ACOX3: variants seen among roughly 807,000 people sequenced by gnomAD.
ACOX3 encodes acyl-CoA oxidase 3, pristanoyl, also known as peroxisomal acyl-coenzyme A oxidase 3.
A neutral mutation model predicts 81.5 loss-of-function variants in ACOX3; 73 were observed. The ratio of observed to expected loss-of-function variants is 0.90; its 90% confidence interval spans 0.74 to 1.09. The LOEUF is 1.09. Among genes scored for constraint, ACOX3 ranks in the 50% least tolerant of loss-of-function variants. ACOX3 has a pLI of 0.00. For synonymous variants in ACOX3, 387 were observed against 375.1 expected (o/e 1.03, Z -0.37); for missense variants, 947 against 928.0 (o/e 1.02, Z -0.27).
chr4:8,391,674 C>A (rs6853292), intron 11 of ACOX3, among the ~76,000 whole-genome samples: 17,078 of 152,172 alleles, frequency 0.11, 1,442 homozygotes, highest in African/African-American at 0.24. Flanking sequence ...TTAATTCTGG[C>A]AAGAACCTAT....
At position 8,405,327 on chromosome 4, in the gene ACOX3, AGGCCTCCATGT is replaced by A. The variant is rs1188496090; in HGVS notation, c.776+617_776+627del. On this transcript the variant is annotated intron_variant, in intron 7 of 17. Coordinates refer to ENST00000356406, the MANE Select transcript of ACOX3 (RefSeq NM_003501.3). The surrounding 1 kb of genome is among the most constrained non-coding windows in gnomAD (Gnocchi z 7.1). Reference sequence around the variant, plus strand: ...ACTGGCCACTTCTCCCCGGCCACCCAGGCCTCCATGTGGCCATCAAGCATTCATTAGTCTTT... The same window carrying A: ...ACTGGCCACTTCTCCCCGGCCACCCAGGCCATCAAGCATTCATTAGTCTTT... Among the ~76,000 whole-genome samples the A allele has an allele frequency of 1.3e-5, 2 of 152,144 alleles. No individual in the cohort carries two copies. Among genetic ancestry groups the A allele is most frequent in the Non-Finnish European group, 2.9e-5 (2 of 68,020 alleles).
chr4:8,421,998 G>C (rs1472930199), intron 1 of ACOX3, among the ~76,000 whole-genome samples: 5 of 152,252 alleles, frequency 3.3e-5, no homozygotes, highest in Non-Finnish European at 7.3e-5. Flanking sequence ...TACGACAACA[G>C]AATAGATCAG....
In ACOX3 at chr4:8,368,485, T is replaced by C. The variant is rs1473761463; in HGVS notation, c.1984-1405A>G. Among the ~76,000 whole-genome samples, 2 of 152,192 alleles carry C rather than the reference T, an allele frequency of 1.3e-5. No individual in the cohort carries two copies. The highest frequency in any genetic ancestry group is 2.9e-5 in the Non-Finnish European group (2 of 68,016). On this transcript the variant is annotated intron_variant, in intron 17 of 17. Transcript: ENST00000356406. The surrounding 1 kb of genome is among the most constrained non-coding windows in gnomAD (Gnocchi z 5.9). The stretch of plus-strand genomic sequence containing the variant: ...TTTATTGAGAAGAAACCCCTCTGCC[T>C]GCACCCGCTAAATGCACTTAGCAAC...
At chr4:8,436,750 G>A (rs547918856) in intron 1 of ACOX3, among the ~76,000 whole-genome samples, 10 of 151,914 alleles carry the variant, frequency 6.6e-5, no homozygotes, top group Admixed American at 1.3e-4. Flanking sequence ...TTGGAAGGCC[G>A]AGGTGGGCAG....
At chr4:8,371,695 GC>G (rs1354805242) in intron 16 of ACOX3, among the ~76,000 whole-genome samples, 1 of 152,252 alleles carries the variant, frequency 6.6e-6, no homozygotes, top group Non-Finnish European at 1.5e-5. Flanking sequence ...GCGCTTCAGC[GC>G]CGCGCTCTGC....
chr4:8,394,449 C>T lies in ACOX3; in HGVS notation c.1179+171G>A, dbSNP rs150350137. The stretch of plus-strand genomic sequence containing the variant: ...CAGGGGTGTGGACGCGTGCCCAGCC[C>T]GTTCAATCGCGGCAGAGGCCAAGAG... On this transcript the variant is annotated intron_variant, in intron 10 of 17. Coordinates refer to ENST00000356406, the MANE Select transcript of ACOX3 (RefSeq NM_003501.3). This position sits in a 1 kb window ranked among gnomAD's most constrained non-coding sequence, Gnocchi z 5.9. 2.0e-5 allele frequency among the ~76,000 whole-genome samples: 3 copies of T among 152,214 alleles called. No homozygotes were observed. Among genetic ancestry groups the T allele is most frequent in the South Asian group, 2.1e-4 (1 of 4,836 alleles).
chr4:8,389,564 G>A lies in ACOX3; in HGVS notation c.1423+48C>T. ...AGTGAGGCCAGGAGAACCCACCCCTGCCCCAGTTGGGTTCCAGCGCCCCCA... is the reference window on the plus strand; with the variant it reads ...AGTGAGGCCAGGAGAACCCACCCCTACCCCAGTTGGGTTCCAGCGCCCCCA... On this transcript the variant is annotated intron_variant, in intron 12 of 17. Transcript: ENST00000356406. This position sits in a 1 kb window ranked among gnomAD's most constrained non-coding sequence, Gnocchi z 5.3. The A allele has an allele frequency of 6.2e-7, 1 of 1,611,204 alleles. No individual in the cohort carries two copies. Among genetic ancestry groups the A allele is most frequent in the Non-Finnish European group, 8.5e-7 (1 of 1,179,262 alleles).
At position 8,386,885 on chromosome 4, in the gene ACOX3, G is replaced by C. The variant is rs981998902; in HGVS notation, c.1537+2288C>G. Among the ~76,000 whole-genome samples the C allele has an allele frequency of 1.3e-5, 2 of 152,234 alleles. No individual in the cohort carries two copies. Among genetic ancestry groups the C allele is most frequent in the Admixed American group, 6.5e-5 (1 of 15,292 alleles). ...AGCCTGTAGGGCTGGAGACGGACAA[G>C]GACACACGCTCGGGGGCTGCTATCA... On this transcript the variant is annotated intron_variant, in intron 13 of 17. Coordinates refer to ENST00000356406, the MANE Select transcript of ACOX3 (RefSeq NM_003501.3). This position sits in a 1 kb window ranked among gnomAD's most constrained non-coding sequence, Gnocchi z 5.2.
chr4:8,355,654 A>C, the ACOX3 span: 1 of 152,258 alleles, frequency 6.6e-6, no homozygotes, highest in East Asian at 1.9e-4. Context: ...CTAGAGCATA[A>C]GAGTCTTCGT....
intron 1 of ACOX3, chr4:8,438,686 G>C (rs1330999562): frequency 6.6e-6 from 1 of 152,220 alleles, no homozygotes; most frequent in African/African-American, 2.4e-5. Flanking sequence ...CTCTGTTTAA[G>C]TTAAAAAGTA....
chr4:8,394,825 AG>A lies in ACOX3; in HGVS notation c.1057-84del. ...TCCCAGGGACCATGAAAGCCAGTGC[AG>A]GGAGAGGCCGTCAGGGCCACACACC... is the stretch of plus-strand genomic sequence containing the variant. On this transcript the variant is annotated intron_variant, in intron 9 of 17. Coordinates refer to ENST00000356406, the MANE Select transcript of ACOX3 (RefSeq NM_003501.3). The surrounding 1 kb of genome is among the most constrained non-coding windows in gnomAD (Gnocchi z 5.9). 5.9e-6 allele frequency: 9 copies of A among 1,527,186 alleles called. No individual in the cohort carries two copies. Among genetic ancestry groups the A allele is most frequent in the Non-Finnish European group, 7.9e-6 (9 of 1,132,940 alleles). The allele number at this position is 1,527,186 out of a possible 1,614,324, so 94.6% of individuals were successfully genotyped here.
rs1208511793 is a variant in ACOX3, at chr4:8,407,589, T to A, written c.688-1546A>T. Reference sequence around the variant, plus strand: ...CTTTGCTGTGGCAGCCATGAGAGACTAACACGGGGGCCGGTGCTGCCGGGA... The same window carrying A: ...CTTTGCTGTGGCAGCCATGAGAGACAAACACGGGGGCCGGTGCTGCCGGGA... On this transcript the variant is annotated intron_variant, in intron 6 of 17. Coordinates refer to ENST00000356406, the MANE Select transcript of ACOX3 (RefSeq NM_003501.3). The surrounding 1 kb of genome is among the most constrained non-coding windows in gnomAD (Gnocchi z 4.6). Among the ~76,000 whole-genome samples the A allele has an allele frequency of 6.6e-6, 1 of 152,208 alleles. No homozygotes were observed.
Position 8,381,451 on chromosome 4 carries a change from A to G in ACOX3, c.1653+41T>C. 1.3e-6 allele frequency: 2 copies of G among 1,572,932 alleles called. No individual in the cohort carries two copies. The highest frequency in any genetic ancestry group is 1.7e-6 in the Non-Finnish European group (2 of 1,144,612). ...GGGACACAACGGCCAGGGAATTAAG[A>G]GCAAATAATACAAAAGGGAATTTTG... On this transcript the variant is annotated intron_variant, in intron 14 of 17. Coordinates refer to ENST00000356406, the MANE Select transcript of ACOX3 (RefSeq NM_003501.3). This position sits in a 1 kb window ranked among gnomAD's most constrained non-coding sequence, Gnocchi z 4.3.
intron 1 of ACOX3, among the ~76,000 whole-genome samples, chr4:8,420,583 C>T (rs914918249): frequency 1.3e-5 from 2 of 152,172 alleles, no homozygotes; most frequent in Admixed American, 1.3e-4. Flanking sequence ...GGGGGAGGCA[C>T]AATGATCAGG....
At chr4:8,435,409 T>C (rs1055364337) in intron 1 of ACOX3, among the ~76,000 whole-genome samples, 12 of 152,118 alleles carry the variant, frequency 7.9e-5, no homozygotes, top group African/African-American at 1.9e-4. Context: ...GGCAGGAGAA[T>C]TGCATGAACC....
chr4:8,435,938 C>T (rs570500320), intron 1 of ACOX3, among the ~76,000 whole-genome samples: 45 of 152,162 alleles, frequency 3.0e-4, no homozygotes, highest in Non-Finnish European at 5.6e-4. Flanking sequence ...AGGGGAAGAT[C>T]GGAGCCTCAA....
rs539804140 is a variant in ACOX3 at position 8,370,306 on chromosome 4, C to T, written c.1983+602G>A. Among the ~76,000 whole-genome samples, 49 of 151,994 alleles carry T rather than the reference C, an allele frequency of 3.2e-4. No homozygotes were observed. Among genetic ancestry groups the T allele is most frequent in the African/African-American group, 1.1e-3 (46 of 41,524 alleles). ...ATTCAGTGGCTGTGTGGGGCTGGGG[C>T]GTGGCAGGCAGTCGAGGAGGCTGGT... On this transcript the variant is annotated intron_variant, in intron 17 of 17. Coordinates refer to ENST00000356406, the MANE Select transcript of ACOX3 (RefSeq NM_003501.3). The surrounding 1 kb of genome is among the most constrained non-coding windows in gnomAD (Gnocchi z 6.3).
rs758037745 is a variant in ACOX3, at chr4:8,405,980, GT to G, written c.750del (p.Lys250AsnfsTer25). On this transcript the variant is annotated frameshift_variant, in exon 7 of 18. Transcript: ENST00000356406. LOFTEE classifies it high-confidence loss of function. The surrounding 1 kb of genome is among the most constrained non-coding windows in gnomAD (Gnocchi z 7.1). ...CCATTATCCAGACCGTTCTGCCCGA[GT>G]TTTTTTCCTATGTCGCCAACCATCA... Reference protein sequence around the residue: ...PGVMVGDIGKKLGQNGLDNGF... With the variant: ...PGVMVGDIGKXLGQNGLDNGF... 1.6e-5 allele frequency: 26 copies of G among 1,614,034 alleles called. No individual in the cohort carries two copies. The highest frequency in any genetic ancestry group is 2.1e-5 in the Non-Finnish European group (25 of 1,180,038).
intron 1 of ACOX3, among the ~76,000 whole-genome samples, chr4:8,421,750 C>T (rs1722971848): frequency 6.6e-6 from 1 of 152,160 alleles, no homozygotes; most frequent in Non-Finnish European, 1.5e-5. Context: ...TCCCTGGTGT[C>T]CCTCCCAATT....
Sources: allele counts gnomAD v4.1 joint callset (sites outside exome capture counted in the v4.1 genomes callset), GRCh38; gene constraint gnomAD v4.1.1; non-coding constraint Gnocchi (gnomAD v3.1); transcripts MANE v1.5; gene names NCBI Gene and HGNC (gene_info 2026-07-23, HGNC 2026-07-21).